Variants in GOLIM4 observed in about 807,000 individuals in gnomAD.
The protein encoded by GOLIM4 is 130 kDa golgi-localized phosphoprotein.
In GOLIM4, 71 loss-of-function variants were observed where a neutral mutation model predicts 107.4. The observed-to-expected ratio is 0.66, with a 90% CI of 0.55 to 0.81. The LOEUF is 0.81. GOLIM4 is among the 30% of genes least tolerant of loss of function. The pLI is 0.00. For synonymous variants in GOLIM4, 327 were observed against 294.8 expected, an observed-to-expected ratio of 1.11 and a Z score of -1.12; for missense variants, 830 against 826.1, an observed-to-expected ratio of 1.00 and a Z score of -0.06.
chr3:168,050,581 G>C (rs571112512), intron 1 of GOLIM4, among the ~76,000 whole-genome samples: 1 of 152,142 alleles, frequency 6.6e-6, no homozygotes, highest in South Asian at 2.1e-4. Flanking sequence ...TCCCCAGCTG[G>C]AAGGAAAAAC....
intron 1 of GOLIM4, among the ~76,000 whole-genome samples, chr3:168,094,572 T>G (rs1722066123): frequency 6.6e-6 from 1 of 152,238 alleles, no homozygotes; most frequent in Non-Finnish European, 1.5e-5. Context: ...CTAGGTTCCT[T>G]CCATTCGACT....
intron 1 of GOLIM4, among the ~76,000 whole-genome samples, chr3:168,080,490 C>A (rs1206227761): frequency 1.3e-5 from 2 of 152,194 alleles, no homozygotes; most frequent in African/African-American, 2.4e-5. Flanking sequence ...CATTTCTACA[C>A]AGGACCCTAG....
At chr3:168,059,874 A>T (rs1338824213) in intron 1 of GOLIM4, among the ~76,000 whole-genome samples, 1 of 152,118 alleles carries the variant, frequency 6.6e-6, no homozygotes, top group Non-Finnish European at 1.5e-5. Context: ...TACTACAGAT[A>T]TCTAGGGGGA....
chr3:168,046,570 TC>T (rs1339234684), intron 3 of GOLIM4, among the ~76,000 whole-genome samples: 2 of 152,196 alleles, frequency 1.3e-5, no homozygotes, highest in Admixed American at 1.3e-4. Context: ...CTTCACCCAT[TC>T]CACAAATGTT....
At chr3:168,057,592 T>A (rs1279515764) in intron 1 of GOLIM4, among the ~76,000 whole-genome samples, 1 of 152,156 alleles carries the variant, frequency 6.6e-6, no homozygotes, top group Non-Finnish European at 1.5e-5. Flanking sequence ...ACCACCCCCA[T>A]GATCCACTCA....
chr3:168,047,057 C>A lies in GOLIM4; in HGVS notation c.263-58G>T, dbSNP rs1170214918. On this transcript the variant is annotated intron_variant, in intron 2 of 15. Coordinates refer to ENST00000470487, the MANE Select transcript of GOLIM4 (RefSeq NM_014498.5). Reference sequence around the variant, plus strand: ...AATTCACTACACAGATTTTAAACATCTAAAGAAATAAAGGCAAACTTCACT... The same window carrying A: ...AATTCACTACACAGATTTTAAACATATAAAGAAATAAAGGCAAACTTCACT... The A allele has an allele frequency of 8.5e-6, 7 of 818,832 alleles. No homozygotes were observed. In the African/African-American group the frequency reaches 9.1e-5, roughly 11 times the overall value. 50.7% of individuals were successfully genotyped at this position (818,832 alleles called of 1,614,324 possible).
intron 1 of GOLIM4, among the ~76,000 whole-genome samples, chr3:168,076,688 CTCAATCAA>C (rs138139668): frequency 0.011 from 1,677 of 152,200 alleles, 30 homozygotes; most frequent in African/African-American, 0.038. Flanking sequence ...GAGACTCCAT[CTCAATCAA>C]TCAATCAATC....
chr3:168,061,351 A>G (rs918257250), intron 1 of GOLIM4, among the ~76,000 whole-genome samples: 5 of 152,226 alleles, frequency 3.3e-5, no homozygotes, highest in Admixed American at 6.5e-5. Flanking sequence ...TGGAGGAAGG[A>G]ACTCTTCTAC....
Position 168,029,920 on chromosome 3 carries a change from C to T in GOLIM4, c.1293G>A (p.Gln431=), listed in dbSNP as rs1718220262. Reference sequence around the variant, plus strand: ...GCAGCCTCTGCTGGTGCAAAGCTTCCTGGTGTTCCCGCAGCTGCTGGGCCT... The same window carrying T: ...GCAGCCTCTGCTGGTGCAAAGCTTCTTGGTGTTCCCGCAGCTGCTGGGCCT... The part of the protein sequence containing the change: ...VEEAQQLREH[Q]EALHQQRLQG... Residue 431 remains glutamine, a synonymous_variant, in exon 10 of 16, where the codon CAG becomes CAA. Coordinates refer to ENST00000470487, the MANE Select transcript of GOLIM4 (RefSeq NM_014498.5). 1 of 1,614,054 alleles carries T rather than the reference C, an allele frequency of 6.2e-7. No individual in the cohort carries two copies.
intron 14 of GOLIM4, among the ~76,000 whole-genome samples, chr3:168,012,041 A>C (rs1285385952): frequency 8.0e-6 from 1 of 124,480 alleles, no homozygotes; most frequent in Admixed American, 7.6e-5. Context: ...AGCTGGATGG[A>C]GAATGACATT....
At chr3:168,058,476 T>C (rs1442135727) in intron 1 of GOLIM4, among the ~76,000 whole-genome samples, 4 of 152,242 alleles carry the variant, frequency 2.6e-5, no homozygotes, top group African/African-American at 9.6e-5. Context: ...CATGAAAGGA[T>C]TCTTCTCTTA....
chr3:168,076,987 T>C (rs777262247), intron 1 of GOLIM4, among the ~76,000 whole-genome samples: 1 of 152,210 alleles, frequency 6.6e-6, no homozygotes, highest in Non-Finnish European at 1.5e-5. Flanking sequence ...TTGCCTTTTG[T>C]TTAGAATTTA....
intron 1 of GOLIM4, among the ~76,000 whole-genome samples, chr3:168,082,197 T>G (rs532339673): frequency 6.6e-6 from 1 of 152,168 alleles, no homozygotes; most frequent in East Asian, 1.9e-4. Context: ...AGGACGTTCA[T>G]GAACCACCCC....
intron 2 of GOLIM4, among the ~76,000 whole-genome samples, chr3:168,047,382 CAG>C (rs1719362780): frequency 6.6e-6 from 1 of 152,180 alleles, no homozygotes; most frequent in Non-Finnish European, 1.5e-5. Flanking sequence ...TTCCTGAAAA[CAG>C]AAATCAAGCC....
intron 11 of GOLIM4, among the ~76,000 whole-genome samples, chr3:168,028,546 C>T (rs1319885366): frequency 6.6e-6 from 1 of 152,144 alleles, no homozygotes; most frequent in East Asian, 1.9e-4. Context: ...CCTTCAAGTG[C>T]ACAAAGGGGT....
chr3:168,082,948 T>C (rs1721446787), intron 1 of GOLIM4, among the ~76,000 whole-genome samples: 1 of 152,168 alleles, frequency 6.6e-6, no homozygotes, highest in Non-Finnish European at 1.5e-5. Context: ...CACTTCCCAA[T>C]CCAATCTCTT....
intron 7 of GOLIM4, among the ~76,000 whole-genome samples, chr3:168,040,543 C>A (rs1718924877): frequency 6.6e-6 from 1 of 152,178 alleles, no homozygotes; most frequent in Admixed American, 6.5e-5. Flanking sequence ...TAGACTACTG[C>A]ATGTAGGGAC....
At chr3:168,040,464 A>G (rs142297288) in intron 7 of GOLIM4, among the ~76,000 whole-genome samples, 118 of 152,308 alleles carry the variant, frequency 7.7e-4, no homozygotes, top group African/African-American at 2.8e-3. Context: ...CTACACCAAG[A>G]GTCAACACAG....
At chr3:168,034,006 T>C (rs1351044835) in intron 8 of GOLIM4, among the ~76,000 whole-genome samples, 1 of 152,178 alleles carries the variant, frequency 6.6e-6, no homozygotes, top group African/African-American at 2.4e-5. Context: ...TTGGTTAGAC[T>C]GCTCTCCCAA....
Sources: gnomAD v4.1 joint callset for allele counts (sites outside exome capture counted in the v4.1 genomes callset) on GRCh38, gnomAD v4.1.1 for gene constraint, MANE v1.5 for transcripts, NCBI Gene and HGNC (gene_info 2026-07-23, HGNC 2026-07-21) for gene names.